The following FSIP2 variants were observed in gnomAD, a reference collection of about 807,000 sequenced individuals.
The protein encoded by FSIP2 is fibrous sheath-interacting protein 2.
FSIP2 carries 367 observed loss-of-function variants against 510.5 expected under a neutral mutation model. That is an observed-to-expected ratio of 0.72 (90% CI 0.66 to 0.78). FSIP2 has a LOEUF of 0.78. Among genes scored for constraint, FSIP2 ranks in the 30% least tolerant of loss-of-function variants. The pLI is 0.00. For synonymous variants in FSIP2, 2,601 were observed against 2,732.2 expected, an observed-to-expected ratio of 0.95 and a Z score of 1.50; for missense variants, 7,594 against 7,901.7, an observed-to-expected ratio of 0.96 and a Z score of 1.48.
At chr2:185,746,847 T>C (rs1692043914) in intron 6 of FSIP2, 37 bp downstream of exon 6, 5 of 1,348,980 alleles carry the variant, frequency 3.7e-6, no homozygotes, top group Non-Finnish European at 5.0e-6. Context: ...AACAGAAAAA[T>C]TGTGTACAGT....
chr2:185,756,367 C>A, intron 9 of FSIP2, 89 bp downstream of exon 9: 2 of 439,748 alleles, frequency 4.5e-6, no homozygotes, highest in Non-Finnish European at 4.0e-6. Flanking sequence ...CACTTAAGTG[C>A]AGACAAATCC....
chr2:185,822,283 T>C (rs1450066380), intron 19 of FSIP2, among the ~76,000 whole-genome samples: 1 of 151,908 alleles, frequency 6.6e-6, no homozygotes, highest in South Asian at 2.1e-4. Context: ...AAAATTGTTG[T>C]TTATAGATGA....
At chr2:185,775,546 G>A (rs756114573) in intron 13 of FSIP2, among the ~76,000 whole-genome samples, 1 of 152,022 alleles carries the variant, frequency 6.6e-6, no homozygotes, top group Non-Finnish European at 1.5e-5. Context: ...CACTCTGATG[G>A]TAGTTTCTTT....
rs1693075874 is a variant in FSIP2, at chr2:185,789,790, A to G, written c.2654A>G (p.Asn885Ser). 4 of 1,533,924 alleles carry G rather than the reference A, an allele frequency of 2.6e-6. No homozygotes were observed. The highest frequency in any genetic ancestry group is 1.4e-5 in the African/African-American group (1 of 72,940). ...LESDEASLIV[N>S]EEVQNLISNI... The stretch of plus-strand genomic sequence containing the variant: ...TCTGATGAAGCTAGTTTAATTGTCA[A>G]TGAAGAAGTACAAAATTTAATATCA... Residue 885 changes from asparagine (N) to serine (S), a missense_variant, in exon 16 of 23, where the codon AAT becomes AGT. By Grantham distance (46) the Asn-to-Ser change is conservative (BLOSUM62 1). Transcript: ENST00000424728.
At chr2:185,811,866 A>G (rs539795366) in intron 17 of FSIP2, among the ~76,000 whole-genome samples, 2 of 152,250 alleles carry the variant, frequency 1.3e-5, no homozygotes, top group South Asian at 4.1e-4. Flanking sequence ...CTATAGGCAC[A>G]CAGAGTTAAA....
chr2:185,738,715 G>A, upstream of FSIP2: 2 of 1,536,028 alleles, frequency 1.3e-6, no homozygotes, highest in Non-Finnish European at 1.7e-6. Flanking sequence ...GGCGCGAGCC[G>A]CCCCTCAGGA....
Position 185,803,169 on chromosome 2 carries a change from A to G in FSIP2, c.13863A>G (p.Thr4621=). The G allele has an allele frequency of 2.0e-6, 3 of 1,532,508 alleles. No homozygotes were observed. The highest frequency in any genetic ancestry group is 2.6e-6 in the Non-Finnish European group (3 of 1,144,752). 94.9% of individuals were successfully genotyped at this position (1,532,508 alleles called of 1,614,324 possible). A position where few individuals can be genotyped will look rare whatever the true frequency, so the allele number is the denominator to read the frequency against. Residue 4621 remains threonine, a synonymous_variant, in exon 17 of 23, where the codon ACA becomes ACG. Coordinates refer to ENST00000424728, the MANE Select transcript of FSIP2 (RefSeq NM_173651.4). ...TTTATACCAGTGTTTACTCTTCAAC[A>G]TTCTTGGAAGATGTAATCTCTGGGG... is the stretch of plus-strand genomic sequence containing the variant. ...QLFYTSVYSS[T]FLEDVISGVL...
intron 19 of FSIP2, among the ~76,000 whole-genome samples, chr2:185,823,868 G>A (rs916134547): frequency 6.6e-6 from 1 of 151,640 alleles, no homozygotes; most frequent in African/African-American, 2.4e-5. Flanking sequence ...AGCAAAATGT[G>A]TTATAAATAT....
chr2:185,830,701 T>C (rs1694093664), intron 21 of FSIP2, among the ~76,000 whole-genome samples: 2 of 151,902 alleles, frequency 1.3e-5, no homozygotes, highest in Admixed American at 1.3e-4. Context: ...TCCATTATTT[T>C]TCATATATTT....
At chr2:185,812,435 T>C (rs1693750858) in intron 17 of FSIP2, among the ~76,000 whole-genome samples, 1 of 151,974 alleles carries the variant, frequency 6.6e-6, no homozygotes, top group Non-Finnish European at 1.5e-5. Flanking sequence ...ATCCTAAAAA[T>C]AAAACAATAA....
rs1372234289 is a variant in FSIP2, at chr2:185,789,456, T to C, written c.2320T>C (p.Cys774Arg). Residue 774 changes from cysteine to arginine, a missense_variant, in exon 16 of 23, where the codon TGT (cysteine) becomes CGT (arginine). By Grantham distance (180) the Cys-to-Arg change is radical (BLOSUM62 -3). Coordinates refer to ENST00000424728, the MANE Select transcript of FSIP2 (RefSeq NM_173651.4). ...EKLESAVEKK[C>R]VEMFSQDLSV... ...GTTAGAGTCTGCAGTTGAGAAAAAA[T>C]GTGTTGAGATGTTTTCACAAGATTT... 4 of 1,534,464 alleles carry C rather than the reference T, an allele frequency of 2.6e-6. No homozygotes were observed. The African/African-American group carries it at 5.5e-5, about 21-fold the overall frequency.
At chr2:185,813,460 A>G in intron 17 of FSIP2, 85 bp from the exon 18 acceptor site, 2 of 734,222 alleles carry the variant, frequency 2.7e-6, no homozygotes, top group Non-Finnish European at 4.1e-6. Flanking sequence ...ACTAGAAATT[A>G]TAAGAAAATA....
intron 13 of FSIP2, among the ~76,000 whole-genome samples, chr2:185,768,119 A>T (rs1288685885): frequency 1.3e-5 from 2 of 151,362 alleles, no homozygotes; most frequent in Admixed American, 6.6e-5. Context: ...ATTTTTAATA[A>T]TTTTTTTTTA....
intron 17 of FSIP2, among the ~76,000 whole-genome samples, chr2:185,810,615 A>G (rs1399870382): frequency 6.6e-6 from 1 of 150,470 alleles, no homozygotes; most frequent in African/African-American, 2.5e-5. Context: ...GAATGTCCTA[A>G]CACAGAAAAT....
rs978268798 is a variant in FSIP2, at chr2:185,795,400, G to A, written c.8264G>A (p.Gly2755Glu). Residue 2755 changes from glycine (G) to glutamate (E), a missense_variant, in exon 16 of 23, where the codon GGA becomes GAA. Physicochemically the swap from Gly to Glu is moderately conservative, Grantham distance 98. Transcript: ENST00000424728. The part of the protein sequence containing the change: ...NILETIVKEF[G>E]KVKQTKALPS... ...CTAGAAACAATTGTGAAGGAATTTGGAAAGGTAAAGCAAACCAAAGCTTTA... is the reference window on the plus strand; with the variant it reads ...CTAGAAACAATTGTGAAGGAATTTGAAAAGGTAAAGCAAACCAAAGCTTTA... 7.2e-6 allele frequency: 11 copies of A among 1,534,758 alleles called. 1 individual carries two copies. Among genetic ancestry groups the A allele is most frequent in the African/African-American group, 1.4e-5 (1 of 72,896 alleles).
At position 185,788,935 on chromosome 2, in the gene FSIP2, A is replaced by T; in HGVS notation, c.1799A>T (p.Lys600Ile). The change falls in exon 16 of 23, where the codon AAA (lysine) becomes ATA (isoleucine). Residue 600 changes from lysine to isoleucine, a missense_variant. By Grantham distance (102) the Lys-to-Ile change is moderately radical. Coordinates refer to ENST00000424728, the MANE Select transcript of FSIP2 (RefSeq NM_173651.4). ...GTAAGGAGACCAACCACACCTATAA[A>T]ACCTCCTCCTGCACATGTGGAAAAA... ...TSVRRPTTPI[K>I]PPPAHVEKTV... 1 of 1,535,040 alleles carries T rather than the reference A, an allele frequency of 6.5e-7. No individual in the cohort carries two copies. Among genetic ancestry groups the T allele is most frequent in the Admixed American group, 2.0e-5 (1 of 50,898 alleles).
chr2:185,821,930 A>C (rs1693928218), intron 19 of FSIP2, among the ~76,000 whole-genome samples: 1 of 151,628 alleles, frequency 6.6e-6, no homozygotes. Flanking sequence ...TATCTCAAAA[A>C]AAAAAAAAAA....
At chr2:185,780,234 T>G (rs1281018018) in intron 13 of FSIP2, among the ~76,000 whole-genome samples, 1 of 152,002 alleles carries the variant, frequency 6.6e-6, no homozygotes, top group Non-Finnish European at 1.5e-5. Context: ...TGTACAAGCT[T>G]CAGCCATTTC....
At position 185,797,305 on chromosome 2, in the gene FSIP2, A is replaced by G. The variant is rs1437076138; in HGVS notation, c.10169A>G (p.Asn3390Ser). ...SLLRMQDKKINYIPEEENENL... is the reference protein window; with the variant it reads ...SLLRMQDKKISYIPEEENENL... ...CTTAGAATGCAGGATAAAAAAATCA[A>G]CTATATACCTGAGGAAGAAAATGAA... Residue 3390 changes from asparagine (N) to serine (S), a missense_variant, in exon 16 of 23, where the codon AAC (asparagine) becomes AGC (serine). By Grantham distance (46) the Asn-to-Ser change is conservative. Coordinates refer to ENST00000424728, the MANE Select transcript of FSIP2 (RefSeq NM_173651.4). 5 of 1,527,314 alleles carry G rather than the reference A, an allele frequency of 3.3e-6. No individual in the cohort carries two copies. The highest frequency in any genetic ancestry group is 2.8e-5 in the African/African-American group (2 of 72,234). The allele number at this position is 1,527,314 out of a possible 1,614,324, so 94.6% of individuals were successfully genotyped here.
Sources: allele counts gnomAD v4.1 joint callset (sites outside exome capture counted in the v4.1 genomes callset), GRCh38; gene constraint gnomAD v4.1.1; transcripts MANE v1.5; gene names NCBI Gene and HGNC (gene_info 2026-07-23, HGNC 2026-07-21).